The following C14orf93 variants were observed in gnomAD, a reference collection of about 807,000 sequenced individuals.
C14orf93 encodes uncharacterized protein C14orf93.
In C14orf93, 23 loss-of-function variants were observed where a neutral mutation model predicts 44.0. That is an observed-to-expected ratio of 0.52 (90% CI 0.38 to 0.74). C14orf93 has a LOEUF of 0.74. Ranked by LOEUF, C14orf93 falls within the 30% of genes least tolerant of loss-of-function variation. C14orf93 has a pLI of 0.00. For synonymous variants in C14orf93, 253 were observed against 265.7 expected (o/e 0.95, Z 0.46); for missense variants, 579 against 678.9 (o/e 0.85, Z 1.64).
At chr14:23,001,200 A>G (rs2046275149) in intron 1 of C14orf93, 1 of 152,230 alleles carries the variant, frequency 6.6e-6, no homozygotes, top group Non-Finnish European at 1.5e-5. Context: ...AACCTACATC[A>G]TGCAGGGAGT....
intron 3 of C14orf93, among the ~76,000 whole-genome samples, chr14:22,991,890 A>G (rs2045658318): frequency 6.6e-6 from 1 of 152,190 alleles, no homozygotes; most frequent in Admixed American, 6.5e-5. Context: ...ATCTGCTAGT[A>G]AAACTGATGA....
Position 22,987,363 on chromosome 14 carries a change from G to C in C14orf93, c.1469C>G (p.Pro490Arg). 6.2e-7 allele frequency: 1 copy of C among 1,614,230 alleles called. No homozygotes were observed. Among genetic ancestry groups the C allele is most frequent in the East Asian group, 2.2e-5 (1 of 44,894 alleles). ...TTGGAAATTAGGATTGTAAAGTTCT[G>C]GTGGAAGGAGCTGGGCTTCAGCAGA... ...LPSAEAQLLP[P>R]ELYNPNFQEE... Residue 490 changes from proline (P) to arginine (R), a missense_variant, in exon 7 of 7, where the codon CCA becomes CGA. By Grantham distance (103) the Pro-to-Arg change is moderately radical. Coordinates refer to ENST00000299088, the MANE Select transcript of C14orf93 (RefSeq NM_021944.4). This position sits in a 1 kb window ranked among gnomAD's most constrained non-coding sequence, Gnocchi z 5.6.
rs763823033 is a variant in C14orf93 at position 22,995,978 on chromosome 14, G to A, written c.888C>T (p.Asn296=). 6.2e-7 allele frequency: 1 copy of A among 1,604,646 alleles called. No homozygotes were observed. The highest frequency in any genetic ancestry group is 8.5e-7 in the Non-Finnish European group (1 of 1,173,920). Residue 296 remains asparagine, a synonymous_variant, in exon 3 of 7, where the codon AAC becomes AAT. Coordinates refer to ENST00000299088, the MANE Select transcript of C14orf93 (RefSeq NM_021944.4). Reference sequence around the variant, plus strand: ...GTACAAGATCCCGCTTGCGCCTGGAGTTCTTCTGCCCACTTCCTCTGGTCC... The same window carrying A: ...GTACAAGATCCCGCTTGCGCCTGGAATTCTTCTGCCCACTTCCTCTGGTCC... ...PCRTRGSGQK[N]SRRKRDLVLS... is the part of the protein sequence containing the mutation.
At chr14:22,990,168 A>G (rs747282702) in intron 3 of C14orf93, 41 bp from the exon 4 acceptor site, 34 of 1,559,398 alleles carry the variant, frequency 2.2e-5, no homozygotes, top group Non-Finnish European at 2.9e-5. Context: ...CCAAGAGTGG[A>G]TGTTATGAAA....
intron 1 of C14orf93, among the ~76,000 whole-genome samples, chr14:23,003,927 T>A (rs2046488936): frequency 3.1e-5 from 3 of 98,126 alleles, no homozygotes; most frequent in Admixed American, 1.1e-4. Context: ...TTTTTTTTTT[T>A]GAGACAGAGT....
chr14:22,989,879 C>A lies in C14orf93; in HGVS notation c.981-34G>T. 1.9e-6 allele frequency: 3 copies of A among 1,585,746 alleles called. No individual in the cohort carries two copies. In the South Asian group the frequency reaches 3.3e-5, roughly 18 times the overall value. On this transcript the variant is annotated intron_variant, in intron 4 of 6. Coordinates refer to ENST00000299088, the MANE Select transcript of C14orf93 (RefSeq NM_021944.4). Reference sequence around the variant, plus strand: ...AAGAGAAGAGAATGAATAAAGTTGTCGGCTTTGTAAGAGCCAGACAAACAG... The same window carrying A: ...AAGAGAAGAGAATGAATAAAGTTGTAGGCTTTGTAAGAGCCAGACAAACAG...
intron 1 of C14orf93, among the ~76,000 whole-genome samples, chr14:23,007,375 T>G (rs930025968): frequency 2.0e-5 from 3 of 152,258 alleles, no homozygotes; most frequent in African/African-American, 7.2e-5. Flanking sequence ...TACTTGCTTT[T>G]GTTCTCTGCT....
rs115228304 is a variant in C14orf93, at chr14:22,996,782, C to T, written c.598-514G>A. 7.1e-3 allele frequency among the ~76,000 whole-genome samples: 1,079 copies of T among 152,286 alleles called. 15 individuals carry two copies. Among genetic ancestry groups the T allele is most frequent in the African/African-American group, 0.025 (1,022 of 41,546 alleles). ...CCTATCCTCCATTCCCAGAGTCAGT[C>T]CATGCCCTCACCTTGATCCTGCCCC... On this transcript the variant is annotated intron_variant, in intron 2 of 6. Coordinates refer to ENST00000299088, the MANE Select transcript of C14orf93 (RefSeq NM_021944.4). The surrounding 1 kb of genome is among the most constrained non-coding windows in gnomAD (Gnocchi z 4.1).
Position 22,987,805 on chromosome 14 carries a change from G to T in C14orf93, c.1197+98C>A. The T allele has an allele frequency of 8.1e-7, 1 of 1,229,018 alleles. No homozygotes were observed. Among genetic ancestry groups the T allele is most frequent in the Non-Finnish European group, 1.2e-6 (1 of 865,874 alleles). The allele number at this position is 1,229,018 out of a possible 1,614,324, so 76.1% of individuals were successfully genotyped here. ...TCTTCTCTATCTTCCTACATTCCTG[G>T]CTCTCAACCCTATTCTCATATGCCA... On this transcript the variant is annotated intron_variant, in intron 6 of 6. Transcript: ENST00000299088. This position sits in a 1 kb window ranked among gnomAD's most constrained non-coding sequence, Gnocchi z 5.6.
At chr14:23,000,265 C>A (rs1312667329) in intron 1 of C14orf93, 1 of 152,092 alleles carries the variant, frequency 6.6e-6, no homozygotes, top group Non-Finnish European at 1.5e-5. Context: ...ACTGAGAACA[C>A]TCCCGGGAAC....
rs888467920 is a variant in C14orf93 at position 22,998,889 on chromosome 14, G to A, written c.135C>T (p.Pro45=). The change falls in exon 2 of 7, where the codon CCC becomes CCT. Residue 45 remains proline, a synonymous_variant. Transcript: ENST00000299088. ...CCAAGCCATGTCCAGTCACTGTGAT[G>A]GGGGTGCTGGGAGGAGGATTCCCAC... The part of the protein sequence containing the change: ...SQGGNPPPST[P]ITVTGHGLAV... 1.9e-6 allele frequency: 3 copies of A among 1,613,864 alleles called. No homozygotes were observed. The highest frequency in any genetic ancestry group is 2.5e-6 in the Non-Finnish European group (3 of 1,179,948).
chr14:23,009,853 AAG>A (rs2046791642), intron 1 of C14orf93, among the ~76,000 whole-genome samples: 1 of 152,182 alleles, frequency 6.6e-6, no homozygotes, highest in African/African-American at 2.4e-5. Flanking sequence ...ATTTAAAAAA[AAG>A]AAAAAAAAAC....
rs1791794540 is a variant in C14orf93 at position 22,986,528 on chromosome 14, GC to G, written c.*686del. On this transcript the variant is annotated 3_prime_UTR_variant, in exon 7 of 7. Coordinates refer to ENST00000299088, the MANE Select transcript of C14orf93 (RefSeq NM_021944.4). Reference sequence around the variant, plus strand: ...GACAGGACCAAGAAACAGCTACAAAGCTGTGTATTTTGCTTGGTCACATAGT... The same window carrying G: ...GACAGGACCAAGAAACAGCTACAAAGTGTGTATTTTGCTTGGTCACATAGT... The G allele has an allele frequency of 1.3e-5, 2 of 152,468 alleles. 1 individual carries two copies. The highest frequency in any genetic ancestry group is 4.8e-5 in the African/African-American group (2 of 41,578). The allele number at this position is 152,468 out of a possible 1,614,324, so 9.4% of individuals were successfully genotyped here.
rs1447196118 is a variant in C14orf93 at position 22,986,580 on chromosome 14, G to A, written c.*635C>T. On this transcript the variant is annotated 3_prime_UTR_variant, in exon 7 of 7. Coordinates refer to ENST00000299088, the MANE Select transcript of C14orf93 (RefSeq NM_021944.4). ...GAGAGAGAGGCTGCCGGTGAGACAC[G>A]GGAACTCTTTAAGCCTTAATTTCCT... 3 of 152,438 alleles carry A rather than the reference G, an allele frequency of 2.0e-5. No individual in the cohort carries two copies. The highest frequency in any genetic ancestry group is 2.4e-5 in the African/African-American group (1 of 41,414). The allele number at this position is 152,438 out of a possible 1,614,324, so 9.4% of individuals were successfully genotyped here.
intron 1 of C14orf93, among the ~76,000 whole-genome samples, chr14:23,007,327 T>C (rs756902595): frequency 1.1e-4 from 16 of 152,244 alleles, no homozygotes; most frequent in Non-Finnish European, 1.8e-4. Flanking sequence ...TGAGGCTTTT[T>C]CAAGGCCGTC....
chr14:22,999,215 C>G lies in C14orf93; in HGVS notation c.-192G>C. 1 of 817,500 alleles carries G rather than the reference C, an allele frequency of 1.2e-6. No homozygotes were observed. Among genetic ancestry groups the G allele is most frequent in the Admixed American group, 3.1e-5 (1 of 32,096 alleles). The allele number at this position is 817,500 out of a possible 1,614,324, so 50.6% of individuals were successfully genotyped here. The stretch of plus-strand genomic sequence containing the variant: ...CACACAGTCCATGGCGGCCTCTCCT[C>G]GGCCTGCAGAAGGGAGACAGGTGCC... On this transcript the variant is annotated 5_prime_UTR_variant, in exon 2 of 7. Coordinates refer to ENST00000299088, the MANE Select transcript of C14orf93 (RefSeq NM_021944.4).
intron 1 of C14orf93, chr14:23,005,249 T>C (rs1295594338): frequency 2.0e-5 from 3 of 152,046 alleles, no homozygotes; most frequent in Non-Finnish European, 4.4e-5. Context: ...GGTATAGAGA[T>C]AATTGGTTAA....
chr14:22,989,190 G>A (rs1270187503), intron 5 of C14orf93, among the ~76,000 whole-genome samples: 1 of 152,014 alleles, frequency 6.6e-6, no homozygotes, highest in Non-Finnish European at 1.5e-5. Context: ...ATTGGGTTTC[G>A]CCATGTTGCC....
chr14:23,001,847 A>G (rs1230865203), intron 1 of C14orf93, among the ~76,000 whole-genome samples: 1 of 146,774 alleles, frequency 6.8e-6, no homozygotes, highest in Admixed American at 6.7e-5. Flanking sequence ...GTTAAAAAAA[A>G]AAAAAAAAAA....
Sources: allele counts gnomAD v4.1 joint callset (sites outside exome capture counted in the v4.1 genomes callset), GRCh38; gene constraint gnomAD v4.1.1; non-coding constraint Gnocchi (gnomAD v3.1); transcripts MANE v1.5; gene names NCBI Gene and HGNC (gene_info 2026-07-23, HGNC 2026-07-21).